Variants in AURKA observed in about 807,000 individuals in gnomAD.
AURKA encodes aurora 2.
AURKA carries 12 observed loss-of-function variants against 40.9 expected under a neutral mutation model. The ratio of observed to expected loss-of-function variants is 0.29; its 90% CI spans 0.19 to 0.48. The LOEUF (loss-of-function observed/expected upper bound fraction) is 0.48, where lower values mean the gene tolerates loss of function less well. AURKA is among the 20% of genes least tolerant of loss of function. The pLI is 0.99. For synonymous variants in AURKA, 170 were observed against 164.3 expected (o/e 1.03, Z -0.26); for missense variants, 322 against 462.1 (o/e 0.70, Z 2.78).
rs771139917 is a variant in AURKA, at chr20:56,386,462, A to G, written c.114T>C (p.Pro38=). 1 of 1,614,250 alleles carries G rather than the reference A, an allele frequency of 6.2e-7. No homozygotes were observed. The highest frequency in any genetic ancestry group is 1.1e-5 in the South Asian group (1 of 91,088). ...TQQFPCQNPL[P]VNSGQAQRVL... ...CCCGCTGAGCCTGGCCACTATTTAC[A>G]GGTAATGGATTCTGACAAGGAAATT... The change falls in exon 3 of 9, where the codon CCT becomes CCC. Residue 38 remains proline (P), a synonymous_variant. Transcript: ENST00000395915.
chr20:56,388,024 ACT>A, intron 2 of AURKA, 130 bp downstream of exon 2: 1 of 676,726 alleles, frequency 1.5e-6, no homozygotes, highest in South Asian at 1.8e-5. Context: ...GAGAAAAGTG[ACT>A]AATTCATATC....
At position 56,382,927 on chromosome 20, in the gene AURKA, G is replaced by A; in HGVS notation, c.566+58C>T. 1.9e-6 allele frequency: 3 copies of A among 1,585,646 alleles called. No homozygotes were observed. The South Asian group carries it at 3.3e-5, about 18-fold the overall frequency. On this transcript the variant is annotated intron_variant, in intron 5 of 8. Transcript: ENST00000395915. ...GGGCAGTGGGAGGCTGACATTACAG[G>A]AGGGGGAGGGGTGCAGCATTGGTGA...
At chr20:56,388,396 C>A in intron 1 of AURKA, 194 bp from the exon 2 acceptor site, 2 of 616,220 alleles carry the variant, frequency 3.2e-6, no homozygotes. Context: ...TCCCCTTGGG[C>A]ACTGCGTCCC....
rs559910930 is a variant in AURKA, at chr20:56,371,228, C to T, written c.855-569G>A. On this transcript the variant is annotated intron_variant, in intron 7 of 8. Transcript: ENST00000395915. ...CTGTAATGCCAGCACTTTGGGAGGC[C>T]GAGGGAGGCGGATCACGAGGTCAGG... is the stretch of plus-strand genomic sequence containing the variant. Among the ~76,000 whole-genome samples, 11 of 152,124 alleles carry T rather than the reference C, an allele frequency of 7.2e-5. No homozygotes were observed. The South Asian group carries it at 2.1e-3, about 29-fold the overall frequency.
chr20:56,381,478 T>A lies in AURKA; in HGVS notation c.660A>T (p.Arg220Ser). The A allele has an allele frequency of 6.2e-7, 1 of 1,613,860 alleles. No individual in the cohort carries two copies. Among genetic ancestry groups the A allele is most frequent in the Non-Finnish European group, 8.5e-7 (1 of 1,179,960 alleles). Residue 220 changes from arginine to serine, a missense_variant, in exon 6 of 9, where the codon AGA (arginine) becomes AGT (serine). Coordinates refer to ENST00000395915, the MANE Select transcript of AURKA (RefSeq NM_198437.3). ...LEYAPLGTVYRELQKLSKFDE... is the reference protein window; with the variant it reads ...LEYAPLGTVYSELQKLSKFDE... The stretch of plus-strand genomic sequence containing the variant: ...CAAACTTTGAAAGTTTCTGAAGTTC[T>A]CTATAAACTGTTCCAAGTGGTGCAT...
chr20:56,370,352 C>A lies in AURKA; in HGVS notation c.1030-12G>T, dbSNP rs372383100. 1.5e-5 allele frequency: 25 copies of A among 1,614,004 alleles called. No homozygotes were observed. The highest frequency in any genetic ancestry group is 2.1e-5 in the Non-Finnish European group (25 of 1,180,014). On this transcript the variant is annotated splice_polypyrimidine_tract_variant and intron_variant, in intron 8 of 8. Coordinates refer to ENST00000395915, the MANE Select transcript of AURKA (RefSeq NM_198437.3). ...AATGTGAATTCAACCTGGAGTACAA[C>A]AAATGATAAAATATCACAAAACACA... is the stretch of plus-strand genomic sequence containing the variant.
chr20:56,386,625 CA>C, intron 2 of AURKA, 92 bp from the exon 3 acceptor site: 1 of 1,398,686 alleles, frequency 7.1e-7, no homozygotes, highest in South Asian at 1.2e-5. Context: ...TCTAGTATAG[CA>C]AAATAATGAA....
At chr20:56,376,870 A>C (rs1984990570) in intron 6 of AURKA, among the ~76,000 whole-genome samples, 1 of 152,212 alleles carries the variant, frequency 6.6e-6, no homozygotes, top group South Asian at 2.1e-4. Flanking sequence ...ACCTGAGGTC[A>C]GGAGTTCAAG....
chr20:56,389,569 T>C (rs1986794973), intron 1 of AURKA, among the ~76,000 whole-genome samples: 1 of 152,086 alleles, frequency 6.6e-6, no homozygotes, highest in Non-Finnish European at 1.5e-5. Context: ...CTCCCAAATA[T>C]TCATTCTTCA....
intron 8 of AURKA, 69 bp downstream of exon 8, chr20:56,370,416 G>A (rs2146123430): frequency 1.2e-6 from 2 of 1,613,680 alleles, no homozygotes; most frequent in Non-Finnish European, 8.5e-7. Context: ...TCGGATCTTG[G>A]CCTGCAGTTC....
At chr20:56,391,494 A>G (rs908020554) in intron 1 of AURKA, among the ~76,000 whole-genome samples, 5 of 152,072 alleles carry the variant, frequency 3.3e-5, no homozygotes, top group African/African-American at 1.2e-4. Context: ...GAGTTTGTTA[A>G]TAACTAGACA....
chr20:56,386,083 T>C (rs956445965), intron 3 of AURKA, among the ~76,000 whole-genome samples, 174 bp downstream of exon 3: 3 of 152,224 alleles, frequency 2.0e-5, no homozygotes, highest in Non-Finnish European at 4.4e-5. Context: ...ATTTTTAGCA[T>C]AGGTCTGGCC....
intron 6 of AURKA, among the ~76,000 whole-genome samples, chr20:56,377,228 G>T (rs1226738375): frequency 5.3e-5 from 8 of 152,156 alleles, no homozygotes; most frequent in Non-Finnish European, 1.2e-4. Context: ...AGTGAGCAGA[G>T]ATCGCACCAC....
chr20:56,370,064 G>T lies in AURKA; in HGVS notation c.*94C>A. ...TTTCTTGTGTAGCGTTCTAGATTGA[G>T]GGCAGCAGTCAATGGTAAAATAAAC... On this transcript the variant is annotated 3_prime_UTR_variant, in exon 9 of 9. Coordinates refer to ENST00000395915, the MANE Select transcript of AURKA (RefSeq NM_198437.3). 1 of 1,461,002 alleles carries T rather than the reference G, an allele frequency of 6.8e-7. No individual in the cohort carries two copies. The allele number at this position is 1,461,002 out of a possible 1,614,324, so 90.5% of individuals were successfully genotyped here. A position where few individuals can be genotyped will look rare whatever the true frequency, so the allele number is the denominator to read the frequency against.
intron 7 of AURKA, among the ~76,000 whole-genome samples, chr20:56,370,948 T>C (rs1196039992): frequency 6.6e-6 from 1 of 152,200 alleles, no homozygotes; most frequent in Non-Finnish European, 1.5e-5. Context: ...AAAGCTGCCA[T>C]GCAAAGTTCT....
intron 7 of AURKA, among the ~76,000 whole-genome samples, chr20:56,372,723 T>G (rs1984430380): frequency 1.3e-5 from 2 of 152,198 alleles, no homozygotes; most frequent in South Asian, 4.1e-4. Flanking sequence ...TTGACAAAAC[T>G]TCATCGGTAG....
At chr20:56,381,950 G>A (rs1384025430) in intron 5 of AURKA, among the ~76,000 whole-genome samples, 3 of 152,140 alleles carry the variant, frequency 2.0e-5, no homozygotes, top group African/African-American at 7.2e-5. Context: ...AGGATCGCGA[G>A]GTCAGGAGTT....
chr20:56,392,089 GACCAGCCGC>G (rs1392082651), intron 1 of AURKA, 70 bp downstream of exon 1: 11 of 152,358 alleles, frequency 7.2e-5, no homozygotes, highest in Admixed American at 3.3e-4. Flanking sequence ...CCGCCACTCC[GACCAGCCGC>G]CCCTTGTCCC....
rs2146140729 is a variant in AURKA, at chr20:56,373,301, A to ACC, written c.854+105_854+106dup. 2.0e-6 allele frequency: 3 copies of ACC among 1,501,684 alleles called. No homozygotes were observed. In the East Asian group the frequency reaches 6.8e-5, roughly 34 times the overall value. The allele number at this position is 1,501,684 out of a possible 1,614,324, so 93.0% of individuals were successfully genotyped here. A position where few individuals can be genotyped will look rare whatever the true frequency, so the allele number is the denominator to read the frequency against. ...CAAAGTACTTCTGGGTTAGCCACCTACCCCTCTTACAGCACAAAATCTACA... is the reference window on the plus strand; with the variant it reads ...CAAAGTACTTCTGGGTTAGCCACCTACCCCCCTCTTACAGCACAAAATCTACA... On this transcript the variant is annotated intron_variant, in intron 7 of 8. Coordinates refer to ENST00000395915, the MANE Select transcript of AURKA (RefSeq NM_198437.3). The surrounding 1 kb of genome is among the most constrained non-coding windows in gnomAD (Gnocchi z 5.0).
Sources: allele counts gnomAD v4.1 joint callset (sites outside exome capture counted in the v4.1 genomes callset), GRCh38; gene constraint gnomAD v4.1.1; non-coding constraint Gnocchi (gnomAD v3.1); transcripts MANE v1.5; gene names NCBI Gene and HGNC (gene_info 2026-07-23, HGNC 2026-07-21).